PCDH15: variants seen among roughly 807,000 people sequenced by gnomAD.
The protein encoded by PCDH15 is protocadherin related 15.
Under a neutral mutation model 178.5 loss-of-function variants are expected in PCDH15, and 129 were observed. That is an observed-to-expected ratio of 0.72 (90% CI 0.63 to 0.84). PCDH15 has a LOEUF of 0.84. Among genes scored for constraint, PCDH15 ranks in the 40% least tolerant of loss-of-function variants. The pLI, the probability that PCDH15 is intolerant of heterozygous loss-of-function variation, is 0.00. For missense variants in PCDH15, 2,230 were observed against 2,099.9 expected, an observed-to-expected ratio of 1.06 and a Z score of -1.21; for synonymous variants, 800 against 732.0, an observed-to-expected ratio of 1.09 and a Z score of -1.50.
intron 1 of PCDH15, among the ~76,000 whole-genome samples, chr10:55,168,380 G>A (rs897999660): frequency 6.6e-6 from 1 of 152,120 alleles, no homozygotes; most frequent in Non-Finnish European, 1.5e-5. Flanking sequence ...AATGGATATT[G>A]CAAAGACTTA....
intron 3 of PCDH15, among the ~76,000 whole-genome samples, chr10:54,882,599 T>C (rs1376456440): frequency 6.6e-6 from 1 of 152,082 alleles, no homozygotes; most frequent in Non-Finnish European, 1.5e-5. Context: ...TTTCTAATAA[T>C]ATGTTATATT....
At chr10:55,196,127 A>G (rs920043363) in intron 1 of PCDH15, among the ~76,000 whole-genome samples, 7 of 151,960 alleles carry the variant, frequency 4.6e-5, no homozygotes, top group Non-Finnish European at 1.0e-4. Context: ...GGCTACTTTT[A>G]CTTTCTTAAT....
At chr10:54,456,560 G>A (rs1008258550) in intron 3 of PCDH15, among the ~76,000 whole-genome samples, 1 of 152,184 alleles carries the variant, frequency 6.6e-6, no homozygotes, top group Non-Finnish European at 1.5e-5. Flanking sequence ...CCTTGTCTCA[G>A]ATGAGACTTT....
rs1279013928 is a variant in PCDH15, at chr10:54,211,839, T to C, written c.1098+2097A>G. Among the ~76,000 whole-genome samples, 4 of 152,116 alleles carry C rather than the reference T, an allele frequency of 2.6e-5. No individual in the cohort carries two copies. In the East Asian group the frequency reaches 7.7e-4, roughly 29 times the overall value. The stretch of plus-strand genomic sequence containing the variant: ...AATGGTCCCCTGAACAATGCCACAA[T>C]ACTCAGTTATTATTCAAGCAGGTGG... On this transcript the variant is annotated intron_variant, in intron 10 of 37. Coordinates refer to ENST00000644397, the MANE Select transcript of PCDH15 (RefSeq NM_001384140.1).
At chr10:54,462,480 CT>C (rs1422830079) in intron 3 of PCDH15, among the ~76,000 whole-genome samples, 4 of 127,974 alleles carry the variant, frequency 3.1e-5, no homozygotes, top group Non-Finnish European at 6.4e-5. Flanking sequence ...TTCTTTCTTT[CT>C]TTTCTTTTCT....
intron 26 of PCDH15, among the ~76,000 whole-genome samples, chr10:53,882,967 T>C (rs1393680323): frequency 6.6e-6 from 1 of 152,144 alleles, no homozygotes; most frequent in Non-Finnish European, 1.5e-5. Flanking sequence ...TACAAAAACT[T>C]TATAATTTTA....
chr10:54,462,512 C>CTTTTTTTTTTTTTTTTTTTTTTTTTT (rs562731025), intron 3 of PCDH15, among the ~76,000 whole-genome samples: 7 of 66,880 alleles, frequency 1.0e-4, no homozygotes, highest in African/African-American at 2.2e-4. Flanking sequence ...TTTTTCTTTT[C>CTTTTTTTTTTTTTTTTTTTTTTTTTT]TTTTTTTTTT....
chr10:55,187,561 T>C (rs1213941486), intron 1 of PCDH15, among the ~76,000 whole-genome samples: 3 of 151,956 alleles, frequency 2.0e-5, no homozygotes, highest in Non-Finnish European at 4.4e-5. Flanking sequence ...GAAGATGACA[T>C]GAGAGCCACT....
chr10:54,723,869 A>G (rs909548354), intron 1 of PCDH15, among the ~76,000 whole-genome samples: 1 of 151,804 alleles, frequency 6.6e-6, no homozygotes, highest in Non-Finnish European at 1.5e-5. Flanking sequence ...AATGGTTAAT[A>G]TTAAAAGTCA....
intron 5 of PCDH15, among the ~76,000 whole-genome samples, chr10:54,357,106 AG>A (rs1288174048): frequency 1.3e-5 from 2 of 152,160 alleles, no homozygotes; most frequent in African/African-American, 4.8e-5. Flanking sequence ...GGCACAAGAC[AG>A]GGATGCCCTC....
chr10:54,747,194 A>G (rs4545447), intron 1 of PCDH15, among the ~76,000 whole-genome samples: 34,350 of 152,150 alleles, frequency 0.23, 4,216 homozygotes, highest in East Asian at 0.34. Context: ...TAGGTACTAC[A>G]CACCATGCTT....
At chr10:55,448,449 C>G (rs1285923830) in intron 2 of PCDH15, among the ~76,000 whole-genome samples, 1 of 151,870 alleles carries the variant, frequency 6.6e-6, no homozygotes, top group Non-Finnish European at 1.5e-5. Context: ...GAGTTTATAC[C>G]TGCAAAATCA....
At position 53,831,552 on chromosome 10, in the gene PCDH15, A is replaced by G. The variant is rs747206202; in HGVS notation, c.3984-19T>C. Reference sequence around the variant, plus strand: ...CAAAAATCTTTATTGTTAGATAAATAGTAAAATTAATGATGCTAGCAGAGA... The same window carrying G: ...CAAAAATCTTTATTGTTAGATAAATGGTAAAATTAATGATGCTAGCAGAGA... On this transcript the variant is annotated intron_variant, in intron 29 of 37. Transcript: ENST00000644397. 1 of 1,535,006 alleles carries G rather than the reference A, an allele frequency of 6.5e-7. No individual in the cohort carries two copies. Among genetic ancestry groups the G allele is most frequent in the South Asian group, 1.1e-5 (1 of 89,164 alleles).
Position 53,806,794 on chromosome 10 carries a change from G to C in PCDH15, c.5008C>G (p.Leu1670Val), listed in dbSNP as rs189102789. The change falls in exon 38 of 38, where the codon CTG becomes GTG. Residue 1670 changes from leucine (L) to valine (V), a missense_variant. By Grantham distance (32) the Leu-to-Val change is conservative. Coordinates refer to ENST00000644397, the MANE Select transcript of PCDH15 (RefSeq NM_001384140.1). ...STEKMNARPTLVTFAPCPVGT... is the reference protein window; with the variant it reads ...STEKMNARPTVVTFAPCPVGT... Reference sequence around the variant, plus strand: ...ACAGGGCAAGGGGCAAATGTAACCAGAGTTGGTCTTGCATTCATTTTTTCA... The same window carrying C: ...ACAGGGCAAGGGGCAAATGTAACCACAGTTGGTCTTGCATTCATTTTTTCA... The C allele has an allele frequency of 3.1e-6, 5 of 1,613,854 alleles. No homozygotes were observed. In the African/African-American group the frequency reaches 4.0e-5, roughly 13 times the overall value.
Position 54,369,472 on chromosome 10 carries a change from G to T in PCDH15, c.319-197C>A, listed in dbSNP as rs557694291. Among the ~76,000 whole-genome samples, 369 of 151,984 alleles carry T rather than the reference G, an allele frequency of 2.4e-3. 1 individual carries two copies. Among genetic ancestry groups the T allele is most frequent in the African/African-American group, 8.6e-3 (356 of 41,486 alleles). ...TTATTGTTTAATTTTGTATCTCAGC[G>T]TGTGGAATTCAGGTAGCATTATGCT... On this transcript the variant is annotated intron_variant, in intron 4 of 37. Transcript: ENST00000644397.
At chr10:54,079,474 C>G (rs1565203512) in intron 16 of PCDH15, 50 bp from the exon 17 acceptor site, 2 of 1,509,536 alleles carry the variant, frequency 1.3e-6, no homozygotes, top group Non-Finnish European at 1.8e-6. Flanking sequence ...TATTATGTCA[C>G]AAGGAGAGTC....
chr10:55,249,915 C>T (rs1438102940), intron 1 of PCDH15, among the ~76,000 whole-genome samples: 4 of 151,790 alleles, frequency 2.6e-5, no homozygotes, highest in Admixed American at 1.3e-4. Flanking sequence ...ATTTTCATCT[C>T]TATTTAATTA....
At chr10:54,998,762 T>G (rs1839713812) in intron 2 of PCDH15, among the ~76,000 whole-genome samples, 1 of 152,188 alleles carries the variant, frequency 6.6e-6, no homozygotes, top group Non-Finnish European at 1.5e-5. Context: ...CTATTCTGTT[T>G]ATTAGTACCA....
chr10:55,578,475 T>C (rs2132117208), intron 2 of PCDH15, among the ~76,000 whole-genome samples: 1 of 152,262 alleles, frequency 6.6e-6, no homozygotes, highest in East Asian at 1.9e-4. Flanking sequence ...CGCCTCCGCC[T>C]TCCAAAGTGC....
Sources: allele counts gnomAD v4.1 joint callset (sites outside exome capture counted in the v4.1 genomes callset), GRCh38; gene constraint gnomAD v4.1.1; transcripts MANE v1.5; gene names NCBI Gene and HGNC (gene_info 2026-07-23, HGNC 2026-07-21).